The following NTM variants were observed in gnomAD, a reference collection of about 807,000 sequenced individuals.
NTM encodes neurotrimin.
In NTM, 13 loss-of-function variants were observed where a neutral mutation model predicts 42.1. That is an observed-to-expected ratio of 0.31 (90% CI 0.20 to 0.49). NTM has a LOEUF of 0.49. Ranked by LOEUF, NTM falls within the 20% of genes least tolerant of loss-of-function variation. The pLI is 0.99. For synonymous variants in NTM, 187 were observed against 179.2 expected, an observed-to-expected ratio of 1.04 and a Z score of -0.35; for missense variants, 373 against 452.8, an observed-to-expected ratio of 0.82 and a Z score of 1.60.
chr11:132,114,507 C>T (rs1383003214), intron 2 of NTM, among the ~76,000 whole-genome samples: 1 of 152,204 alleles, frequency 6.6e-6, no homozygotes, highest in Non-Finnish European at 1.5e-5. Flanking sequence ...AAACCCTGCT[C>T]TCCCCAACTT....
intron 1 of NTM, among the ~76,000 whole-genome samples, chr11:131,858,824 A>C (rs2046350915): frequency 6.6e-6 from 1 of 152,186 alleles, no homozygotes; most frequent in East Asian, 1.9e-4. Flanking sequence ...AAATACTGTG[A>C]AATTGGCAAT....
intron 1 of NTM, among the ~76,000 whole-genome samples, chr11:131,587,082 T>A (rs1251722007): frequency 1.3e-5 from 2 of 152,204 alleles, no homozygotes; most frequent in Non-Finnish European, 2.9e-5. Flanking sequence ...GTGACTTGCA[T>A]TGTATTATCT....
At chr11:132,257,504 A>G (rs954800972) in intron 4 of NTM, among the ~76,000 whole-genome samples, 1 of 152,136 alleles carries the variant, frequency 6.6e-6, no homozygotes, top group Non-Finnish European at 1.5e-5. Flanking sequence ...GCGGGGAGGG[A>G]CAGAGGGAAA....
chr11:132,228,742 G>A (rs568672917), intron 4 of NTM, among the ~76,000 whole-genome samples: 8 of 152,254 alleles, frequency 5.3e-5, no homozygotes, highest in Admixed American at 2.0e-4. Flanking sequence ...GCTTCTGAGC[G>A]GTCACGTTCC....
At chr11:131,940,039 A>C (rs2059629576) in intron 2 of NTM, among the ~76,000 whole-genome samples, 1 of 152,220 alleles carries the variant, frequency 6.6e-6, no homozygotes, top group Non-Finnish European at 1.5e-5. Flanking sequence ...CTGAACCCAG[A>C]AGGAAAAGAA....
chr11:132,077,533 A>G (rs954750238), intron 2 of NTM, among the ~76,000 whole-genome samples: 4 of 152,204 alleles, frequency 2.6e-5, no homozygotes, highest in South Asian at 2.1e-4. Flanking sequence ...CCCCATCACA[A>G]CCTTCAAAGG....
chr11:131,646,704 C>A (rs572675060), intron 1 of NTM, among the ~76,000 whole-genome samples: 1 of 151,898 alleles, frequency 6.6e-6, no homozygotes, highest in African/African-American at 2.4e-5. Flanking sequence ...ATGTAATAAC[C>A]GTCAGATACC....
At chr11:131,860,358 A>G (rs976941113) in intron 1 of NTM, among the ~76,000 whole-genome samples, 27 of 152,066 alleles carry the variant, frequency 1.8e-4, no homozygotes, top group Admixed American at 1.5e-3. Context: ...GTCTGAAGGA[A>G]CCCATGTGAG....
chr11:131,733,852 C>T (rs1438072652), intron 1 of NTM, among the ~76,000 whole-genome samples: 6 of 152,102 alleles, frequency 3.9e-5, no homozygotes, highest in African/African-American at 1.4e-4. Context: ...ATGTTATTTT[C>T]ATAGCTGCAT....
At chr11:131,759,522 T>A (rs2083814127) in intron 1 of NTM, among the ~76,000 whole-genome samples, 1 of 152,216 alleles carries the variant, frequency 6.6e-6, no homozygotes, top group African/African-American at 2.4e-5. Context: ...CCTCCTTTTT[T>A]TTCAACTCAT....
intron 1 of NTM, among the ~76,000 whole-genome samples, chr11:131,385,803 A>T (rs558572321): frequency 6.6e-6 from 1 of 152,336 alleles, no homozygotes; most frequent in Non-Finnish European, 1.5e-5. Flanking sequence ...GGCTACAGTG[A>T]GCTATGATTG....
intron 2 of NTM, among the ~76,000 whole-genome samples, chr11:131,923,670 A>G (rs1043958075): frequency 3.9e-5 from 6 of 152,192 alleles, no homozygotes; most frequent in African/African-American, 1.4e-4. Context: ...CTCAAGGCCT[A>G]CAAACTTTGG....
chr11:131,508,110 G>A (rs375991908), intron 1 of NTM, among the ~76,000 whole-genome samples: 1 of 146,388 alleles, frequency 6.8e-6, no homozygotes, highest in Non-Finnish European at 1.5e-5. Context: ...CCTACAAAAT[G>A]GGAGAAAATT....
chr11:131,498,087 G>A (rs181178809), intron 1 of NTM, among the ~76,000 whole-genome samples: 24 of 151,834 alleles, frequency 1.6e-4, no homozygotes, highest in African/African-American at 5.6e-4. Flanking sequence ...CTCCATCTGC[G>A]AGATGTACCC....
Position 131,722,021 on chromosome 11 carries a change from A to AAGAG in NTM, c.83-189539_83-189536dup, listed in dbSNP as rs1555100311. 1.5e-3 allele frequency among the ~76,000 whole-genome samples: 169 copies of AAGAG among 112,826 alleles called. 19 individuals carry two copies. The highest frequency in any genetic ancestry group is 5.3e-3 in the African/African-American group (155 of 29,450). 74.0% of individuals were successfully genotyped at this position (112,826 alleles called of 152,430 possible). On this transcript the variant is annotated intron_variant, in intron 1 of 8. Coordinates refer to ENST00000683400, the MANE Select transcript of NTM (RefSeq NM_001352005.2). ...CAAAAAAAAAAAAAAAAAAAAAAAA[A>AAGAG]AGAGAGAAAGAAAGAAAATAATGCT...
At chr11:131,811,173 A>G (rs892546512) in intron 1 of NTM, among the ~76,000 whole-genome samples, 2 of 152,186 alleles carry the variant, frequency 1.3e-5, no homozygotes, top group African/African-American at 4.8e-5. Context: ...TGTGGCCAGT[A>G]TCCACTACTG....
chr11:131,495,461 G>A lies in NTM; in HGVS notation c.82+124573G>A, dbSNP rs569416951. The stretch of plus-strand genomic sequence containing the variant: ...AAAGCTCTGCACTGCCTGTGCTGCG[G>A]TGGGGCTTGCTTTTGCCTCTCTGCC... On this transcript the variant is annotated intron_variant, in intron 1 of 8. Coordinates refer to ENST00000683400, the MANE Select transcript of NTM (RefSeq NM_001352005.2). Among the ~76,000 whole-genome samples, 8 of 152,372 alleles carry A rather than the reference G, an allele frequency of 5.3e-5. No individual in the cohort carries two copies. The South Asian group carries it at 1.7e-3, about 32-fold the overall frequency.
At chr11:131,684,186 C>T (rs532205453) in intron 1 of NTM, among the ~76,000 whole-genome samples, 67 of 152,252 alleles carry the variant, frequency 4.4e-4, no homozygotes, top group African/African-American at 1.5e-3. Context: ...CTCTGAGGCA[C>T]GGGCCCCGGG....
chr11:131,471,685 C>A (rs979180585), intron 1 of NTM, among the ~76,000 whole-genome samples: 1 of 152,164 alleles, frequency 6.6e-6, no homozygotes, highest in African/African-American at 2.4e-5. Flanking sequence ...TGCACAGAAG[C>A]ATGCCGGTAA....
Sources: gnomAD v4.1 joint callset for allele counts (sites outside exome capture counted in the v4.1 genomes callset) on GRCh38, gnomAD v4.1.1 for gene constraint, MANE v1.5 for transcripts, NCBI Gene and HGNC (gene_info 2026-07-23, HGNC 2026-07-21) for gene names.